Variants in UHMK1 observed in about 807,000 individuals in gnomAD.
UHMK1 encodes U2AF homology motif kinase 1.
Under a neutral mutation model 44.0 loss-of-function variants are expected in UHMK1, and 18 were observed. The ratio of observed to expected loss-of-function variants is 0.41; its 90% confidence interval spans 0.28 to 0.61. UHMK1 has a LOEUF of 0.61. Among genes scored for constraint, UHMK1 ranks in the 20% least tolerant of loss-of-function variants. The pLI, the probability that UHMK1 is intolerant of heterozygous loss-of-function variation, is 0.31. For synonymous variants in UHMK1, 231 were observed against 198.5 expected, an observed-to-expected ratio of 1.16 and a Z score of -1.38; for missense variants, 463 against 522.5, an observed-to-expected ratio of 0.89 and a Z score of 1.11.
At chr1:162,501,574 A>T (rs1024930287) in intron 3 of UHMK1, among the ~76,000 whole-genome samples, 1 of 152,232 alleles carries the variant, frequency 6.6e-6, no homozygotes, top group Non-Finnish European at 1.5e-5. Context: ...TATGGCTATC[A>T]ATCTGCTAGT....
chr1:162,501,521 C>T (rs1363282476), intron 3 of UHMK1, among the ~76,000 whole-genome samples: 1 of 152,164 alleles, frequency 6.6e-6, no homozygotes, highest in Non-Finnish European at 1.5e-5. Flanking sequence ...TGTCCATACT[C>T]CTCTTTTTCT....
intron 6 of UHMK1, among the ~76,000 whole-genome samples, chr1:162,517,834 G>A (rs1651886485): frequency 6.6e-6 from 1 of 151,850 alleles, no homozygotes; most frequent in Non-Finnish European, 1.5e-5. Flanking sequence ...GCAGTGTCAC[G>A]CCACTGCACT....
intron 4 of UHMK1, among the ~76,000 whole-genome samples, chr1:162,509,636 G>GT (rs962189690): frequency 7.2e-5 from 11 of 151,838 alleles, no homozygotes; most frequent in Admixed American, 7.2e-4. Flanking sequence ...GGCACTATAG[G>GT]TTTTTTTTCG....
rs1054621152 is a variant in UHMK1, at chr1:162,528,716, T to A, written c.*6166T>A. The A allele has an allele frequency of 6.6e-6, 1 of 152,180 alleles. No individual in the cohort carries two copies. Among genetic ancestry groups the A allele is most frequent in the Non-Finnish European group, 1.5e-5 (1 of 67,996 alleles). The allele number at this position is 152,180 out of a possible 1,614,324, so 9.4% of individuals were successfully genotyped here. A position where few individuals can be genotyped will look rare whatever the true frequency, so the allele number is the denominator to read the frequency against. On this transcript the variant is annotated 3_prime_UTR_variant, in exon 8 of 8. Coordinates refer to ENST00000489294, the MANE Select transcript of UHMK1 (RefSeq NM_175866.5). The stretch of plus-strand genomic sequence containing the variant: ...TCTGTAGATTATTTACTTTGCAGAC[T>A]GTAAAGCTGCCCTATCTTTTCCAGC...
At chr1:162,497,727 C>A (rs1425953238), upstream of UHMK1, 3 of 1,165,214 alleles carry the variant, frequency 2.6e-6, no homozygotes, top group Non-Finnish European at 3.3e-6. Context: ...TTTTCCAAAC[C>A]TAGCGCGTCT....
rs1652281714 is a variant in UHMK1, at chr1:162,527,228, A to G, written c.*4678A>G. ...TAGGATATGTCATGTTCGTTATTGT[A>G]GCCACCTCCCTCAGATGTTTTTCAC... On this transcript the variant is annotated 3_prime_UTR_variant, in exon 8 of 8. Transcript: ENST00000489294. The G allele has an allele frequency of 6.6e-6, 1 of 152,088 alleles. No individual in the cohort carries two copies. Among genetic ancestry groups the G allele is most frequent in the South Asian group, 2.1e-4 (1 of 4,828 alleles). The allele number at this position is 152,088 out of a possible 1,614,324, so 9.4% of individuals were successfully genotyped here.
At chr1:162,504,616 A>G (rs1483492559) in intron 4 of UHMK1, among the ~76,000 whole-genome samples, 1 of 152,214 alleles carries the variant, frequency 6.6e-6, no homozygotes, top group Non-Finnish European at 1.5e-5. Context: ...GGTATACCTT[A>G]TAGGGCACTT....
At chr1:162,516,442 A>G (rs565848628) in intron 6 of UHMK1, among the ~76,000 whole-genome samples, 2 of 152,260 alleles carry the variant, frequency 1.3e-5, no homozygotes, top group African/African-American at 4.8e-5. Flanking sequence ...AGTAGGGAGG[A>G]AGGGAAAAAA....
At chr1:162,509,241 G>C (rs1030821218) in intron 4 of UHMK1, among the ~76,000 whole-genome samples, 7 of 151,886 alleles carry the variant, frequency 4.6e-5, no homozygotes, top group African/African-American at 1.7e-4. Context: ...AGATCTCCTG[G>C]CTCTTCTCTT....
intron 4 of UHMK1, among the ~76,000 whole-genome samples, chr1:162,509,719 G>C (rs1651602132): frequency 6.6e-6 from 1 of 152,172 alleles, no homozygotes; most frequent in Admixed American, 6.5e-5. Flanking sequence ...TCGGCTCACT[G>C]CAACCTCCGC....
intron 4 of UHMK1, among the ~76,000 whole-genome samples, chr1:162,506,521 C>T (rs1272403225): frequency 6.6e-6 from 1 of 152,112 alleles, no homozygotes; most frequent in African/African-American, 2.4e-5. Flanking sequence ...AAAACTTTTC[C>T]TGTCACCCTG....
intron 1 of UHMK1, among the ~76,000 whole-genome samples, chr1:162,498,720 A>T (rs1017481896): frequency 6.6e-6 from 1 of 152,202 alleles, no homozygotes; most frequent in South Asian, 2.1e-4. Context: ...GGAAGAAATG[A>T]TGCACTATTC....
intron 7 of UHMK1, 82 bp downstream of exon 7, chr1:162,518,272 G>T: frequency 9.9e-7 from 1 of 1,011,074 alleles, no homozygotes; most frequent in African/African-American, 1.6e-5. Context: ...GTAGGAAGAT[G>T]TACAACAAAA....
intron 4 of UHMK1, among the ~76,000 whole-genome samples, chr1:162,510,384 C>T (rs904995998): frequency 3.9e-5 from 6 of 152,220 alleles, no homozygotes; most frequent in Admixed American, 2.0e-4. Context: ...TCTCCTCTAA[C>T]GCCCCCACCC....
chr1:162,520,919 C>A (rs1308674542), intron 7 of UHMK1, among the ~76,000 whole-genome samples: 1 of 152,136 alleles, frequency 6.6e-6, no homozygotes, highest in East Asian at 1.9e-4. Flanking sequence ...CAGGAGAAGT[C>A]TTTTCCAGAG....
chr1:162,513,666 G>A (rs1015832614), intron 6 of UHMK1, among the ~76,000 whole-genome samples: 13 of 152,196 alleles, frequency 8.5e-5, no homozygotes, highest in Admixed American at 2.0e-4. Flanking sequence ...TAGGAAGTAA[G>A]TAGCACAAAC....
chr1:162,502,678 A>G (rs943918641), intron 3 of UHMK1, among the ~76,000 whole-genome samples: 1 of 152,032 alleles, frequency 6.6e-6, no homozygotes, highest in Admixed American at 6.6e-5. Flanking sequence ...ATAAAACGCT[A>G]TTTTTCTGTT....
chr1:162,522,298 A>AT (rs1652086738), intron 7 of UHMK1, 106 bp from the exon 8 acceptor site: 2 of 1,344,172 alleles, frequency 1.5e-6, no homozygotes, highest in African/African-American at 1.5e-5. Flanking sequence ...CAAAATCTGC[A>AT]TTTTAATAAC....
rs1410754896 is a variant in UHMK1, at chr1:162,528,183, A to G, written c.*5633A>G. The stretch of plus-strand genomic sequence containing the variant: ...AGTTCTTTAGTTATTTGAATTATAT[A>G]TAGCTATATTATTTTATTAGCTTGG... On this transcript the variant is annotated 3_prime_UTR_variant, in exon 8 of 8. Coordinates refer to ENST00000489294, the MANE Select transcript of UHMK1 (RefSeq NM_175866.5). 1 of 152,092 alleles carries G rather than the reference A, an allele frequency of 6.6e-6. No individual in the cohort carries two copies. The highest frequency in any genetic ancestry group is 1.5e-5 in the Non-Finnish European group (1 of 67,948). The allele number at this position is 152,092 out of a possible 1,614,324, so 9.4% of individuals were successfully genotyped here. A position where few individuals can be genotyped will look rare whatever the true frequency, so the allele number is the denominator to read the frequency against.
Sources: allele counts gnomAD v4.1 joint callset (sites outside exome capture counted in the v4.1 genomes callset), GRCh38; gene constraint gnomAD v4.1.1; transcripts MANE v1.5; gene names NCBI Gene and HGNC (gene_info 2026-07-23, HGNC 2026-07-21).